DAXX: variants seen among roughly 807,000 people sequenced by gnomAD.
The protein encoded by DAXX is death domain associated protein.
In DAXX, 24 loss-of-function variants were observed where a neutral mutation model predicts 61.9. The observed-to-expected ratio is 0.39, with a 90% CI of 0.28 to 0.55. The LOEUF (loss-of-function observed/expected upper bound fraction) is 0.55. Among genes scored for constraint, DAXX ranks in the 20% least tolerant of loss-of-function variants. The probability of loss-of-function intolerance (pLI) is 0.69; values close to 1 mark genes in which losing one functional copy is unlikely to be tolerated. For synonymous variants in DAXX, 357 were observed against 369.5 expected (o/e 0.97, Z 0.39); for missense variants, 819 against 935.3 (o/e 0.88, Z 1.62).
chr6:33,321,444 T>A lies in DAXX; in HGVS notation c.331A>T (p.Arg111Trp). The A allele has an allele frequency of 6.2e-7, 1 of 1,613,426 alleles. No homozygotes were observed. Among genetic ancestry groups the A allele is most frequent in the South Asian group, 1.1e-5 (1 of 91,022 alleles). ...CGGCTCCGGGCCCGAGACAGGACCC[T>A]AGAGAGGATGTTGCAGAACTCCGCC... Reference protein sequence around the residue: ...ASAEFCNILSRVLSRARSRPA... With the variant: ...ASAEFCNILSWVLSRARSRPA... The change falls in exon 3 of 8, where the codon AGG (arginine) becomes TGG (tryptophan). Residue 111 changes from arginine (R) to tryptophan (W), a missense_variant. Physicochemically the swap from Arg to Trp is moderately radical, Grantham distance 101. Coordinates refer to ENST00000374542, the MANE Select transcript of DAXX (RefSeq NM_001141969.2). The surrounding 1 kb of genome is among the most constrained non-coding windows in gnomAD (Gnocchi z 7.2).
rs1770807790 is a variant in DAXX, at chr6:33,322,864, C to G, written c.-55G>C. ...TCCCCGCACCGTCCGGCCCCCACCT[C>G]AGAAACCGTCTCTCGAGGCGACCCT... is the stretch of plus-strand genomic sequence containing the variant. On this transcript the variant is annotated splice_region_variant and 5_prime_UTR_variant, in exon 1 of 8. Transcript: ENST00000374542. 2 of 1,421,758 alleles carry G rather than the reference C, an allele frequency of 1.4e-6. No homozygotes were observed. The highest frequency in any genetic ancestry group is 1.4e-5 in the African/African-American group (1 of 70,954). The allele number at this position is 1,421,758 out of a possible 1,614,324, so 88.1% of individuals were successfully genotyped here.
At chr6:33,319,311 A>G in intron 6 of DAXX, 69 bp downstream of exon 6, 2 of 1,567,186 alleles carry the variant, frequency 1.3e-6, no homozygotes, top group Non-Finnish European at 8.6e-7. Context: ...TCAGTTCCCC[A>G]GTATTGCTCT....
At position 33,321,119 on chromosome 6, in the gene DAXX, T is replaced by A. The variant is rs762108531; in HGVS notation, c.656A>T (p.Asp219Val). The A allele has an allele frequency of 1.2e-6, 2 of 1,612,206 alleles. No homozygotes were observed. Among genetic ancestry groups the A allele is most frequent in the African/African-American group, 2.7e-5 (2 of 74,760 alleles). The change falls in exon 3 of 8, where the codon GAC becomes GTC. Residue 219 changes from aspartate (D) to valine (V), a missense_variant. Asp to Val is a radical substitution (Grantham distance 152). Coordinates refer to ENST00000374542, the MANE Select transcript of DAXX (RefSeq NM_001141969.2). The surrounding 1 kb of genome is among the most constrained non-coding windows in gnomAD (Gnocchi z 7.2). ...ELDLSELDDP[D>V]SAYLQEARLK... ...CCGTGCCTCCTGCAGGTATGCGGAGTCTGGGTCATCCAATTCTGAGAGATC... is the reference window on the plus strand; with the variant it reads ...CCGTGCCTCCTGCAGGTATGCGGAGACTGGGTCATCCAATTCTGAGAGATC...
chr6:33,322,728 C>T lies in DAXX; in HGVS notation c.-53+134G>A, dbSNP rs755339120. On this transcript the variant is annotated intron_variant, in intron 1 of 7. Transcript: ENST00000374542. The stretch of plus-strand genomic sequence containing the variant: ...AATCCCCCTCCCCCAGTTCAGCCCC[C>T]GGCCGCTCCACTCCCTTTCAGGGAC... 5.3e-4 allele frequency: 198 copies of T among 374,644 alleles called. 5 individuals are homozygous for T. Among genetic ancestry groups the T allele is most frequent in the South Asian group, 1.2e-3 (47 of 40,630 alleles). 23.2% of individuals were successfully genotyped at this position (374,644 alleles called of 1,614,324 possible).
In DAXX at chr6:33,320,548, A is replaced by C. The variant is rs769028542; in HGVS notation, c.1083T>G (p.Leu361=). ...TCATGGCCAAACTCCGGTTTTCCCG[A>C]AGGCGCCGGGCCAACACAGGATCTG... ...ALSDPVLARR[L]RENRSLAMSR... The change falls in exon 4 of 8, where the codon CTT becomes CTG. Residue 361 remains leucine, a synonymous_variant. Coordinates refer to ENST00000374542, the MANE Select transcript of DAXX (RefSeq NM_001141969.2). The surrounding 1 kb of genome is among the most constrained non-coding windows in gnomAD (Gnocchi z 7.1). 2.5e-6 allele frequency: 4 copies of C among 1,613,932 alleles called. No individual in the cohort carries two copies. In the Admixed American group the frequency reaches 5.0e-5, roughly 20 times the overall value.
Position 33,321,996 on chromosome 6 carries a change from T to A in DAXX, c.-52-19A>T, listed in dbSNP as rs1770688642. The A allele has an allele frequency of 6.5e-7, 1 of 1,528,692 alleles. No homozygotes were observed. Among genetic ancestry groups the A allele is most frequent in the African/African-American group, 1.4e-5 (1 of 73,022 alleles). The allele number at this position is 1,528,692 out of a possible 1,614,324, so 94.7% of individuals were successfully genotyped here. On this transcript the variant is annotated intron_variant, in intron 1 of 7. Coordinates refer to ENST00000374542, the MANE Select transcript of DAXX (RefSeq NM_001141969.2). The surrounding 1 kb of genome is among the most constrained non-coding windows in gnomAD (Gnocchi z 7.2). ...ATTCCTGCTGGAAGGGGATGGGGCC[T>A]CAGAATGAGCCCCTCCAGCATAGCC...
At position 33,320,355 on chromosome 6, in the gene DAXX, T is replaced by C; in HGVS notation, c.1251+25A>G. The C allele has an allele frequency of 5.8e-6, 9 of 1,547,224 alleles. No homozygotes were observed. The highest frequency in any genetic ancestry group is 8.0e-6 in the Non-Finnish European group (9 of 1,118,848). On this transcript the variant is annotated intron_variant, in intron 4 of 7. Coordinates refer to ENST00000374542, the MANE Select transcript of DAXX (RefSeq NM_001141969.2). The surrounding 1 kb of genome is among the most constrained non-coding windows in gnomAD (Gnocchi z 7.1). ...CAGTGCAGGGGAAGGACAATGTCTC[T>C]CTGAAGGCTGTACCCCATCCACACC...
At chr6:33,322,825 GC>G (rs773907229) in intron 1 of DAXX, 36 bp downstream of exon 1, 4 of 552,282 alleles carry the variant, frequency 7.2e-6, no homozygotes, top group Middle Eastern at 3.2e-4. Context: ...CTATATCCCC[GC>G]CCCCGCCTCT....
chr6:33,322,839 T>G, intron 1 of DAXX, 23 bp downstream of exon 1: 3 of 1,022,518 alleles, frequency 2.9e-6, no homozygotes, highest in South Asian at 1.2e-5. Context: ...CCGCCTCTGA[T>G]CCCCGCACCG....
In DAXX at chr6:33,320,404, G is replaced by A. The variant is rs766894986; in HGVS notation, c.1227C>T (p.Pro409=). 9.3e-6 allele frequency: 15 copies of A among 1,611,450 alleles called. No individual in the cohort carries two copies. Among genetic ancestry groups the A allele is most frequent in the Middle Eastern group, 1.7e-4 (1 of 6,056 alleles). Residue 409 remains proline (P), a synonymous_variant, in exon 4 of 8, where the codon CCC becomes CCT. Transcript: ENST00000374542. The surrounding 1 kb of genome is among the most constrained non-coding windows in gnomAD (Gnocchi z 7.1). ...QGTSSHSADT[P]EASLDSGEGP... is the part of the protein sequence containing the mutation. The stretch of plus-strand genomic sequence containing the variant: ...CCTCACCAGAATCCAAGGAGGCTTC[G>A]GGGGTGTCTGCAGAGTGGGAAGAGG...
rs924778264 is a variant in DAXX, at chr6:33,319,075, G to T, written c.2085C>A (p.Thr695=). ...CTGGAGAAGGGATGCAGAGGGAGCT[G>T]GTCACCAGGCCATGGCTGGGAGAGT... ...RVDSPSHGLV[T]SSLCIPSPAR... The change falls in exon 7 of 8, where the codon ACC becomes ACA. Residue 695 remains threonine, a synonymous_variant. Transcript: ENST00000374542. The T allele has an allele frequency of 1.7e-5, 27 of 1,613,982 alleles. No individual in the cohort carries two copies. Among genetic ancestry groups the T allele is most frequent in the Non-Finnish European group, 2.3e-5 (27 of 1,180,044 alleles).
rs909965707 is a variant in DAXX at position 33,322,054 on chromosome 6, C to T, written c.-52-77G>A. ...TTCACCTCACACATTTTCTGAACTC[C>T]TTGGGTTTCAGTAACATCCAGCCCT... On this transcript the variant is annotated intron_variant, in intron 1 of 7. Transcript: ENST00000374542. 5 of 1,074,948 alleles carry T rather than the reference C, an allele frequency of 4.7e-6. No individual in the cohort carries two copies. The East Asian group carries it at 1.0e-4, about 22-fold the overall frequency. 66.6% of individuals were successfully genotyped at this position (1,074,948 alleles called of 1,614,324 possible).
Position 33,320,716 on chromosome 6 carries a change from G to T in DAXX, c.1039+20C>A. On this transcript the variant is annotated intron_variant, in intron 3 of 7. Transcript: ENST00000374542. The surrounding 1 kb of genome is among the most constrained non-coding windows in gnomAD (Gnocchi z 7.1). The stretch of plus-strand genomic sequence containing the variant: ...CCTGACATATAAGGGTCACTGAGAG[G>T]CATCCCACCAACCCCCTACCTGGCC... 6.2e-7 allele frequency: 1 copy of T among 1,611,526 alleles called. No homozygotes were observed. The highest frequency in any genetic ancestry group is 8.5e-7 in the Non-Finnish European group (1 of 1,177,900).
intron 6 of DAXX, 70 bp downstream of exon 6, chr6:33,319,310 C>T (rs545741515): frequency 1.3e-6 from 2 of 1,567,348 alleles, no homozygotes; most frequent in African/African-American, 2.7e-5. Context: ...CTCAGTTCCC[C>T]AGTATTGCTC....
In DAXX at chr6:33,319,418, C is replaced by A. The variant is rs1249428970; in HGVS notation, c.1902G>T (p.Lys634Asn). 6.2e-7 allele frequency: 1 copy of A among 1,613,154 alleles called. No individual in the cohort carries two copies. The highest frequency in any genetic ancestry group is 8.5e-7 in the Non-Finnish European group (1 of 1,179,998). The change falls in exon 6 of 8, where the codon AAG becomes AAT. Residue 634 changes from lysine to asparagine, a missense_variant. Physicochemically the swap from Lys to Asn is moderately conservative, Grantham distance 94 (BLOSUM62 0). Transcript: ENST00000374542. ...DSGPPCKKSRKEKKQTGSGPL... is the reference protein window; with the variant it reads ...DSGPPCKKSRNEKKQTGSGPL... Reference sequence around the variant, plus strand: ...GCCCTGATCCTGTTTGCTTCTTCTCCTTCCGAGATTTTTTGCAGGGGGGAC... The same window carrying A: ...GCCCTGATCCTGTTTGCTTCTTCTCATTCCGAGATTTTTTGCAGGGGGGAC...
In DAXX at chr6:33,321,161, A is replaced by G; in HGVS notation, c.614T>C (p.Leu205Pro). 1 of 1,613,740 alleles carries G rather than the reference A, an allele frequency of 6.2e-7. No homozygotes were observed. Among genetic ancestry groups the G allele is most frequent in the Non-Finnish European group, 8.5e-7 (1 of 1,179,646 alleles). The change falls in exon 3 of 8, where the codon CTG (leucine) becomes CCG (proline). Residue 205 changes from leucine to proline, a missense_variant. Transcript: ENST00000374542. The surrounding 1 kb of genome is among the most constrained non-coding windows in gnomAD (Gnocchi z 7.2). ...TGAGAGATCCAACTCCTTTTCCTGC[A>G]GCCGCCGGATCTCTGCCACATAGAG... The part of the protein sequence containing the change: ...LALYVAEIRR[L>P]QEKELDLSEL...
chr6:33,319,893 G>A (rs557099139), intron 5 of DAXX, 39 bp from the exon 6 acceptor site: 2 of 1,594,734 alleles, frequency 1.3e-6, no homozygotes, highest in Non-Finnish European at 1.7e-6. Context: ...GCCTGAGAAT[G>A]AGGGGGAAAA....
intron 1 of DAXX, 28 bp downstream of exon 1, chr6:33,322,809 CTCCCTCTATATCCCCGCCCCCGCCT>C: frequency 1.1e-6 from 1 of 881,976 alleles, no homozygotes; most frequent in Non-Finnish European, 1.8e-6. Context: ...CCCAATACCT[CTCCCTCTATATCCCCGCCCCCGCCT>C]CTGATCCCCG....
chr6:33,321,039 A>G lies in DAXX; in HGVS notation c.736T>C (p.Ser246Pro). Residue 246 changes from serine (S) to proline (P), a missense_variant, in exon 3 of 8, where the codon TCT (serine) becomes CCT (proline). Coordinates refer to ENST00000374542, the MANE Select transcript of DAXX (RefSeq NM_001141969.2). This position sits in a 1 kb window ranked among gnomAD's most constrained non-coding sequence, Gnocchi z 7.2. The part of the protein sequence containing the change: ...FGRLCELKDC[S>P]SLTGRVIEQR... Reference sequence around the variant, plus strand: ...TCTATGACACGGCCGGTCAGTGAAGAGCAGTCTTTCAGCTCACATAGTCGC... The same window carrying G: ...TCTATGACACGGCCGGTCAGTGAAGGGCAGTCTTTCAGCTCACATAGTCGC... 1 of 1,614,078 alleles carries G rather than the reference A, an allele frequency of 6.2e-7. No individual in the cohort carries two copies. Among genetic ancestry groups the G allele is most frequent in the Admixed American group, 1.7e-5 (1 of 60,022 alleles).
Sources: gnomAD v4.1 joint callset for allele counts on GRCh38, gnomAD v4.1.1 for gene constraint, Gnocchi (gnomAD v3.1) non-coding constraint, MANE v1.5 for transcripts, NCBI Gene and HGNC (gene_info 2026-07-23, HGNC 2026-07-21) for gene names.